The following ANK3 variants were observed in gnomAD, a reference collection of about 807,000 sequenced individuals.
The protein encoded by ANK3 is ankyrin 3, also known as ankyrin-3.
In ANK3, 57 loss-of-function variants were observed where a neutral mutation model predicts 370.9. The ratio of observed to expected loss-of-function variants is 0.15; its 90% CI spans 0.12 to 0.19. ANK3 has a LOEUF of 0.19. Among genes scored for constraint, ANK3 ranks in the 10% least tolerant of loss-of-function variants. The probability of loss-of-function intolerance (pLI) is 1.00; values close to 1 mark genes in which losing one functional copy is unlikely to be tolerated. For synonymous variants in ANK3, 1,929 were observed against 1,946.3 expected (o/e 0.99, Z 0.23); for missense variants, 4,439 against 5,302.1 (o/e 0.84, Z 5.06).
chr10:60,057,540 G>C (rs979845078), intron 41 of ANK3, among the ~76,000 whole-genome samples: 1 of 152,138 alleles, frequency 6.6e-6, no homozygotes, highest in African/African-American at 2.4e-5. Context: ...CAAGCATACT[G>C]TGAAGATCCT....
At chr10:60,394,749 G>A (rs2063181799), upstream of ANK3, among the ~76,000 whole-genome samples, 1 of 152,202 alleles carries the variant, frequency 6.6e-6, no homozygotes, top group South Asian at 2.1e-4. Flanking sequence ...CAGGCACCAA[G>A]AGAGGAGTGG....
Position 60,270,120 on chromosome 10 carries a change from C to A in ANK3, c.513+11G>T. On this transcript the variant is annotated intron_variant, in intron 5 of 43. Transcript: ENST00000280772. ...CGTGAACTCACCCACAGGAAAAAAA[C>A]AGTATCTTACCTCTGTGGCTAGGCT... is the stretch of plus-strand genomic sequence containing the variant. 1.3e-6 allele frequency: 2 copies of A among 1,521,244 alleles called. No individual in the cohort carries two copies. Among genetic ancestry groups the A allele is most frequent in the South Asian group, 1.3e-5 (1 of 75,636 alleles). 94.2% of individuals were successfully genotyped at this position (1,521,244 alleles called of 1,614,324 possible).
chr10:60,384,720 A>G (rs2062016336), intron 1 of ANK3, among the ~76,000 whole-genome samples: 2 of 152,228 alleles, frequency 1.3e-5, no homozygotes, highest in Admixed American at 6.5e-5. Flanking sequence ...AAGCAATGTA[A>G]TACCCTACCT....
At chr10:60,510,628 C>T (rs529714696) in intron 2 of ANK3, among the ~76,000 whole-genome samples, 1 of 152,018 alleles carries the variant, frequency 6.6e-6, no homozygotes, top group East Asian at 1.9e-4. Context: ...AGCCTGGCCA[C>T]AACATGGTGA....
At chr10:60,541,083 C>T (rs945654843) in intron 2 of ANK3, among the ~76,000 whole-genome samples, 1 of 151,724 alleles carries the variant, frequency 6.6e-6, no homozygotes, top group Admixed American at 6.6e-5. Context: ...TATTGGCATG[C>T]AACCATGAGC....
chr10:60,322,619 C>T (rs925498367), intron 1 of ANK3, among the ~76,000 whole-genome samples: 2 of 151,954 alleles, frequency 1.3e-5, no homozygotes, highest in Admixed American at 6.6e-5. Flanking sequence ...TTTAAGCATC[C>T]GTGCAACTCT....
chr10:60,114,911 C>A (rs2092977551), intron 25 of ANK3, among the ~76,000 whole-genome samples: 1 of 152,288 alleles, frequency 6.6e-6, no homozygotes, highest in African/African-American at 2.4e-5. Context: ...TTTTAACTTA[C>A]AGGCTTTTGT....
At chr10:60,592,514 C>A (rs1332226312) in intron 2 of ANK3, among the ~76,000 whole-genome samples, 1 of 152,174 alleles carries the variant, frequency 6.6e-6, no homozygotes, top group Non-Finnish European at 1.5e-5. Flanking sequence ...AATCCCAGCT[C>A]TTTGGGAGGC....
At chr10:60,462,744 C>G (rs1326695082) in intron 2 of ANK3, among the ~76,000 whole-genome samples, 1 of 151,646 alleles carries the variant, frequency 6.6e-6, no homozygotes, top group African/African-American at 2.4e-5. Context: ...GGCCTCACCC[C>G]CCGAGATTCC....
At chr10:60,048,047 A>G (rs1249844153) in intron 42 of ANK3, among the ~76,000 whole-genome samples, 1 of 152,212 alleles carries the variant, frequency 6.6e-6, no homozygotes, top group African/African-American at 2.4e-5. Flanking sequence ...TAAAGAGAAA[A>G]ATCGCCGTCA....
intron 2 of ANK3, among the ~76,000 whole-genome samples, chr10:60,465,573 G>A (rs1436863072): frequency 2.0e-5 from 3 of 152,128 alleles, no homozygotes; most frequent in African/African-American, 7.2e-5. Flanking sequence ...TTAAACCAGA[G>A]TGAAATGAGT....
chr10:60,344,430 C>T (rs1210717978), intron 1 of ANK3, among the ~76,000 whole-genome samples: 1 of 152,042 alleles, frequency 6.6e-6, no homozygotes, highest in Non-Finnish European at 1.5e-5. Context: ...TATGGGAGTG[C>T]CTAGATTTCA....
intron 25 of ANK3, among the ~76,000 whole-genome samples, chr10:60,133,207 G>T (rs1462949487): frequency 6.6e-6 from 1 of 152,078 alleles, no homozygotes; most frequent in African/African-American, 2.4e-5. Flanking sequence ...AAGTCAAAAA[G>T]CCCAGCATGA....
chr10:60,584,124 C>T (rs1378427557), intron 2 of ANK3, among the ~76,000 whole-genome samples: 1 of 152,160 alleles, frequency 6.6e-6, no homozygotes, highest in Non-Finnish European at 1.5e-5. Flanking sequence ...ACTCCCTCTA[C>T]CTCCACTTCT....
intron 2 of ANK3, among the ~76,000 whole-genome samples, chr10:60,471,191 A>G (rs551330528): frequency 6.6e-6 from 1 of 152,306 alleles, no homozygotes; most frequent in African/African-American, 2.4e-5. Context: ...AATACAGAAA[A>G]ATACAAAAAG....
chr10:60,699,521 C>T (rs1201132007), intron 1 of ANK3, among the ~76,000 whole-genome samples: 1 of 151,710 alleles, frequency 6.6e-6, no homozygotes, highest in Non-Finnish European at 1.5e-5. Context: ...GAAACTGAAA[C>T]CAATAAAAAA....
intron 1 of ANK3, among the ~76,000 whole-genome samples, chr10:60,387,716 T>C (rs2062601253): frequency 6.6e-6 from 1 of 152,192 alleles, no homozygotes. Flanking sequence ...TCTGTTGTAC[T>C]GGTAACAAAG....
At chr10:60,079,174 T>TACACACACAC (rs58239281) in intron 36 of ANK3, among the ~76,000 whole-genome samples, 10,030 of 113,626 alleles carry the variant, frequency 0.088, 625 homozygotes, top group East Asian at 0.11. Flanking sequence ...GCTACCTAGC[T>TACACACACAC]ACACACACAC....
intron 30 of ANK3, among the ~76,000 whole-genome samples, chr10:60,085,463 T>G (rs1392886323): frequency 6.6e-6 from 1 of 152,052 alleles, no homozygotes; most frequent in East Asian, 1.9e-4. Context: ...AAGATGATAT[T>G]AAATTAAAAA....
Sources: gnomAD v4.1 joint callset for allele counts (sites outside exome capture counted in the v4.1 genomes callset) on GRCh38, gnomAD v4.1.1 for gene constraint, MANE v1.5 for transcripts, NCBI Gene and HGNC (gene_info 2026-07-23, HGNC 2026-07-21) for gene names.